The following MAGI2 variants were observed in gnomAD, a reference collection of about 807,000 sequenced individuals.
The protein encoded by MAGI2 is membrane-associated guanylate kinase, WW and PDZ domain-containing protein 2.
A neutral mutation model predicts 133.3 loss-of-function variants in MAGI2; 35 were observed. The ratio of observed to expected loss-of-function variants is 0.26; its 90% CI spans 0.20 to 0.35. MAGI2 has a LOEUF of 0.35. Among genes scored for constraint, MAGI2 ranks in the 10% least tolerant of loss-of-function variants. MAGI2 has a pLI of 1.00. For synonymous variants in MAGI2, 729 were observed against 710.6 expected (o/e 1.03, Z -0.41); for missense variants, 1,636 against 1,863.4 (o/e 0.88, Z 2.25).
chr7:78,654,776 C>G (rs1034438357), intron 2 of MAGI2, among the ~76,000 whole-genome samples: 2 of 140,678 alleles, frequency 1.4e-5, no homozygotes, highest in African/African-American at 5.3e-5. Flanking sequence ...GCAACTGGAA[C>G]GAGGTTACAA....
At chr7:79,442,184 C>A (rs1048873030) in intron 1 of MAGI2, among the ~76,000 whole-genome samples, 6 of 152,152 alleles carry the variant, frequency 3.9e-5, no homozygotes, top group African/African-American at 1.4e-4. Flanking sequence ...TTCTCAACAA[C>A]TAATATATAC....
chr7:78,031,790 A>G (rs955816403), intron 21 of MAGI2, among the ~76,000 whole-genome samples: 2 of 152,192 alleles, frequency 1.3e-5, no homozygotes, highest in Middle Eastern at 3.2e-3. Context: ...CAAAGATGGA[A>G]GAAGTGGAAA....
chr7:79,234,811 A>G (rs1024511531), intron 1 of MAGI2, among the ~76,000 whole-genome samples: 9 of 151,200 alleles, frequency 6.0e-5, no homozygotes, highest in East Asian at 3.9e-4. Flanking sequence ...GTCATTCTCC[A>G]TCCAGCTTTG....
At chr7:78,098,143 G>C (rs1032414389) in intron 20 of MAGI2, among the ~76,000 whole-genome samples, 2 of 152,140 alleles carry the variant, frequency 1.3e-5, no homozygotes, top group Non-Finnish European at 2.9e-5. Context: ...AATTCAAACT[G>C]TTTTGCATAA....
At chr7:79,260,845 A>C (rs1834037008) in intron 1 of MAGI2, among the ~76,000 whole-genome samples, 1 of 152,180 alleles carries the variant, frequency 6.6e-6, no homozygotes, top group Non-Finnish European at 1.5e-5. Context: ...AATATGAAAA[A>C]GTCTAACATT....
At chr7:79,118,094 A>G (rs1208144670) in intron 1 of MAGI2, among the ~76,000 whole-genome samples, 4 of 152,204 alleles carry the variant, frequency 2.6e-5, no homozygotes, top group East Asian at 3.9e-4. Context: ...AAAGTAGGAC[A>G]TAGCCATGAG....
intron 6 of MAGI2, among the ~76,000 whole-genome samples, chr7:78,468,876 A>G (rs1790911759): frequency 6.6e-6 from 1 of 152,152 alleles, no homozygotes; most frequent in Non-Finnish European, 1.5e-5. Context: ...GAAGGTTAAT[A>G]ATAGCAAAAT....
At chr7:79,229,428 T>C (rs528088280) in intron 1 of MAGI2, among the ~76,000 whole-genome samples, 4 of 152,154 alleles carry the variant, frequency 2.6e-5, no homozygotes, top group Non-Finnish European at 5.9e-5. Flanking sequence ...GAGATCGGCA[T>C]AGAAGGGGGA....
chr7:78,838,209 T>A (rs1489186513), intron 2 of MAGI2, among the ~76,000 whole-genome samples: 2 of 152,118 alleles, frequency 1.3e-5, no homozygotes, highest in Non-Finnish European at 2.9e-5. Flanking sequence ...AATATCTGCT[T>A]AGTCGCTGTC....
chr7:78,281,338 T>C (rs2151012399), intron 9 of MAGI2, among the ~76,000 whole-genome samples: 1 of 152,164 alleles, frequency 6.6e-6, no homozygotes, highest in East Asian at 1.9e-4. Flanking sequence ...AGAGATCAGG[T>C]GGATGTAATT....
chr7:79,084,712 T>C (rs1342421002), intron 1 of MAGI2, among the ~76,000 whole-genome samples: 2 of 151,840 alleles, frequency 1.3e-5, no homozygotes, highest in African/African-American at 4.8e-5. Context: ...TACTAAGTTA[T>C]GTCCATTTTT....
At chr7:78,345,749 G>C (rs1221106790) in intron 8 of MAGI2, among the ~76,000 whole-genome samples, 173 bp downstream of exon 8, 1 of 152,236 alleles carries the variant, frequency 6.6e-6, no homozygotes, top group African/African-American at 2.4e-5. Flanking sequence ...ATCTGCGGTT[G>C]CTAAAGGCAT....
intron 1 of MAGI2, among the ~76,000 whole-genome samples, chr7:79,446,930 C>T (rs145250835): frequency 0.021 from 3,163 of 151,772 alleles, 109 homozygotes; most frequent in African/African-American, 0.07. Flanking sequence ...CCAGCCTGGA[C>T]GACAGAGCGA....
chr7:78,557,865 T>C (rs569969644), intron 3 of MAGI2, among the ~76,000 whole-genome samples: 50 of 152,294 alleles, frequency 3.3e-4, no homozygotes, highest in African/African-American at 1.1e-3. Flanking sequence ...AACATGTACA[T>C]GTAAGAAAAG....
At chr7:78,038,976 T>C (rs535137855) in intron 21 of MAGI2, among the ~76,000 whole-genome samples, 322 of 152,348 alleles carry the variant, frequency 2.1e-3, no homozygotes, top group African/African-American at 7.1e-3. Context: ...AATACGTTAA[T>C]AGTGTTTTTA....
chr7:79,213,873 A>G (rs991747895), intron 1 of MAGI2, among the ~76,000 whole-genome samples: 1 of 152,034 alleles, frequency 6.6e-6, no homozygotes, highest in Non-Finnish European at 1.5e-5. Context: ...ACTATCAAGT[A>G]GTATTTCTCC....
chr7:78,680,421 C>G (rs1815519151), intron 2 of MAGI2, among the ~76,000 whole-genome samples: 1 of 152,004 alleles, frequency 6.6e-6, no homozygotes, highest in African/African-American at 2.4e-5. Context: ...AAAGTAAGCT[C>G]TCTTAGGTTT....
chr7:79,307,426 G>C (rs1373618807), intron 1 of MAGI2, among the ~76,000 whole-genome samples: 1 of 152,184 alleles, frequency 6.6e-6, no homozygotes, highest in Non-Finnish European at 1.5e-5. Context: ...GATTAAGTGA[G>C]AGGCTTCACC....
At chr7:78,775,702 A>G (rs548314951) in intron 2 of MAGI2, among the ~76,000 whole-genome samples, 43 of 152,224 alleles carry the variant, frequency 2.8e-4, no homozygotes, top group Non-Finnish European at 5.4e-4. Context: ...TTCTTATATT[A>G]GTGTTAAAGG....
Sources: allele counts gnomAD v4.1 joint callset (sites outside exome capture counted in the v4.1 genomes callset), GRCh38; gene constraint gnomAD v4.1.1; transcripts MANE v1.5; gene names NCBI Gene and HGNC (gene_info 2026-07-23, HGNC 2026-07-21).